Variants in S100A8 observed in about 807,000 individuals in gnomAD.
S100A8 encodes protein S100-A8.
S100A8 carries 1 observed loss-of-function variant against 4.2 expected under a neutral mutation model. The observed-to-expected ratio is 0.24, with a 90% CI of 0.08 to 1.12. The LOEUF (loss-of-function observed/expected upper bound fraction) is 1.12. Among genes scored for constraint, S100A8 ranks in the 50% most tolerant of loss-of-function variants. The pLI, the probability that S100A8 is intolerant of heterozygous loss-of-function variation, is 0.53. For synonymous variants in S100A8, 41 were observed against 44.7 expected (o/e 0.92, Z 0.33); for missense variants, 96 against 111.8 (o/e 0.86, Z 0.64).
the S100A8 span, among the ~76,000 whole-genome samples, chr1:153,398,352 T>A: frequency 2.6e-5 from 4 of 152,170 alleles, no homozygotes; most frequent in Admixed American, 6.5e-5. Flanking sequence ...GAAGGGGAAG[T>A]AATGTTTCCT....
the S100A8 span, among the ~76,000 whole-genome samples, chr1:153,411,904 G>A: frequency 2.6e-5 from 4 of 152,136 alleles, no homozygotes; most frequent in African/African-American, 9.7e-5. Flanking sequence ...TTTAATAAAT[G>A]GTGCTGGGAA....
At chr1:153,403,387 T>A in the S100A8 span, among the ~76,000 whole-genome samples, 1 of 152,278 alleles carries the variant, frequency 6.6e-6, no homozygotes, top group Admixed American at 6.5e-5. Context: ...TGAAAATCAA[T>A]TGACTGTGAA....
chr1:153,391,275 G>A (rs1462707887), upstream of S100A8: 4 of 878,360 alleles, frequency 4.6e-6, no homozygotes, highest in Non-Finnish European at 5.5e-6. Flanking sequence ...CATTTGCTGG[G>A]CAATAGTGCC....
intron 2 of S100A8, 25 bp from the exon 3 acceptor site, chr1:153,390,268 C>A (rs1368323533): frequency 6.2e-7 from 1 of 1,604,928 alleles, no homozygotes. Context: ...GAGGAAGAAG[C>A]CAGAGTTTAA....
the S100A8 span, among the ~76,000 whole-genome samples, chr1:153,404,244 T>C: frequency 6.8e-6 from 1 of 147,580 alleles, no homozygotes; most frequent in Non-Finnish European, 1.5e-5. Context: ...GGGGTTTCTA[T>C]GGCAGTCACT....
chr1:153,393,595 C>A (rs1662150378), upstream of S100A8, among the ~76,000 whole-genome samples: 1 of 152,128 alleles, frequency 6.6e-6, no homozygotes, highest in South Asian at 2.1e-4. Context: ...ACTTCCTTGA[C>A]AAAAGATGAA....
chr1:153,395,876 G>T (rs536279285), upstream of S100A8, among the ~76,000 whole-genome samples: 8 of 152,162 alleles, frequency 5.3e-5, no homozygotes, highest in African/African-American at 1.9e-4. Context: ...CCTGCCTCCC[G>T]ATCCTGGTCT....
chr1:153,400,529 C>A, the S100A8 span, among the ~76,000 whole-genome samples: 1 of 152,166 alleles, frequency 6.6e-6, no homozygotes, highest in Non-Finnish European at 1.5e-5. Flanking sequence ...CCAGAGACTC[C>A]ATCTATGCAT....
chr1:153,415,494 C>T, the S100A8 span, among the ~76,000 whole-genome samples: 1 of 152,108 alleles, frequency 6.6e-6, no homozygotes, highest in East Asian at 1.9e-4. Flanking sequence ...CTCACCATGC[C>T]CCAGGGACTC....
At chr1:153,403,737 A>G in the S100A8 span, among the ~76,000 whole-genome samples, 1 of 152,242 alleles carries the variant, frequency 6.6e-6, no homozygotes, top group Non-Finnish European at 1.5e-5. Flanking sequence ...TTCCAGAACC[A>G]TTCTGACTAA....
At chr1:153,401,040 A>G in the S100A8 span, among the ~76,000 whole-genome samples, 16 of 152,304 alleles carry the variant, frequency 1.1e-4, no homozygotes, top group Admixed American at 2.6e-4. Flanking sequence ...CTCTGGGACA[A>G]AACAGCCCCC....
chr1:153,404,740 A>C, the S100A8 span, among the ~76,000 whole-genome samples: 3 of 152,242 alleles, frequency 2.0e-5, no homozygotes, highest in South Asian at 2.1e-4. Flanking sequence ...AGAAAAGAAT[A>C]CAAATTAAGT....
the S100A8 span, among the ~76,000 whole-genome samples, chr1:153,399,354 C>T: frequency 6.6e-6 from 1 of 152,180 alleles, no homozygotes; most frequent in African/African-American, 2.4e-5. Context: ...TTCAGGGGCC[C>T]ACATCCCTTG....
upstream of S100A8, among the ~76,000 whole-genome samples, chr1:153,393,435 T>A (rs760869589): frequency 2.0e-5 from 3 of 152,250 alleles, no homozygotes; most frequent in Non-Finnish European, 4.4e-5. Context: ...TACTACATGT[T>A]CAATTAATAC....
At chr1:153,395,393 G>A (rs748668849), upstream of S100A8, among the ~76,000 whole-genome samples, 3 of 152,068 alleles carry the variant, frequency 2.0e-5, no homozygotes, top group East Asian at 3.9e-4. Context: ...CCCAGGCACC[G>A]AGGTCCCATG....
chr1:153,399,891 G>A, the S100A8 span, among the ~76,000 whole-genome samples: 6 of 152,312 alleles, frequency 3.9e-5, no homozygotes, highest in East Asian at 7.7e-4. Flanking sequence ...AAAAGAGCGC[G>A]GCCCCCTCAG....
chr1:153,397,734 C>A, the S100A8 span, among the ~76,000 whole-genome samples: 1 of 152,158 alleles, frequency 6.6e-6, no homozygotes, highest in Non-Finnish European at 1.5e-5. Flanking sequence ...GGGCCCACCC[C>A]CACCACCTGT....
the S100A8 span, chr1:153,421,181 T>C: frequency 6.6e-6 from 1 of 152,358 alleles, no homozygotes; most frequent in Non-Finnish European, 1.5e-5. Flanking sequence ...AGAAATGTCT[T>C]TTAATACTTC....
upstream of S100A8, among the ~76,000 whole-genome samples, chr1:153,392,112 T>C (rs191893306): frequency 2.0e-4 from 31 of 152,248 alleles, no homozygotes; most frequent in East Asian, 5.0e-3. Flanking sequence ...AAGGGATTAA[T>C]ATCCAGAATA....
Sources: gnomAD v4.1 joint callset for allele counts (sites outside exome capture counted in the v4.1 genomes callset) on GRCh38, gnomAD v4.1.1 for gene constraint, MANE v1.5 for transcripts, NCBI Gene and HGNC (gene_info 2026-07-23, HGNC 2026-07-21) for gene names.